Variants in DMBX1 observed in about 807,000 individuals in gnomAD.
DMBX1 encodes the protein diencephalon/mesencephalon homeobox 1.
A neutral mutation model predicts 30.4 loss-of-function variants in DMBX1; 7 were observed. The observed-to-expected ratio is 0.23, with a 90% confidence interval of 0.13 to 0.43. The LOEUF (loss-of-function observed/expected upper bound fraction) is 0.43, where lower values mean the gene tolerates loss of function less well. Among genes scored for constraint, DMBX1 ranks in the 20% least tolerant of loss-of-function variants. DMBX1 has a pLI of 1.00. For synonymous variants in DMBX1, 222 were observed against 214.2 expected (o/e 1.04, Z -0.32); for missense variants, 460 against 508.5 (o/e 0.90, Z 0.92).
intron 2 of DMBX1, among the ~76,000 whole-genome samples, chr1:46,506,247 G>A (rs1337368204): frequency 1.3e-5 from 2 of 152,090 alleles, no homozygotes; most frequent in Non-Finnish European, 2.9e-5. Flanking sequence ...TAGTAGAAAC[G>A]AGGTTTCACT....
In DMBX1 at chr1:46,510,608, G is replaced by T. The variant is rs1424205121; in HGVS notation, c.287G>T (p.Arg96Leu). 3.7e-6 allele frequency: 6 copies of T among 1,613,986 alleles called. No individual in the cohort carries two copies. The highest frequency in any genetic ancestry group is 5.1e-6 in the Non-Finnish European group (6 of 1,180,024). The change falls in exon 4 of 6, where the codon CGT becomes CTT. Residue 96 changes from arginine (R) to leucine (L), a missense_variant. Coordinates refer to ENST00000360032, the MANE Select transcript of DMBX1 (RefSeq NM_172225.2). The surrounding 1 kb of genome is among the most constrained non-coding windows in gnomAD (Gnocchi z 4.1). ...QKTHYPDVVM[R>L]ERLAMCTNLP... is the part of the protein sequence containing the mutation. ...ACTCACTACCCAGATGTGGTGATGC[G>T]TGAGAGGCTGGCCATGTGCACCAAC...
intron 2 of DMBX1, among the ~76,000 whole-genome samples, chr1:46,492,156 C>T (rs927102431): frequency 1.3e-5 from 2 of 152,322 alleles, no homozygotes; most frequent in African/African-American, 2.4e-5. Context: ...CCGCCCCAGG[C>T]GAAGGCCATG....
rs966351317 is a variant in DMBX1 at position 46,497,135 on chromosome 1, C to T, written c.-13+6352C>T. 3.9e-5 allele frequency among the ~76,000 whole-genome samples: 6 copies of T among 152,344 alleles called. No homozygotes were observed. In the South Asian group the frequency reaches 1.2e-3, roughly 32 times the overall value. On this transcript the variant is annotated intron_variant, in intron 2 of 5. Coordinates refer to ENST00000360032, the MANE Select transcript of DMBX1 (RefSeq NM_172225.2). The stretch of plus-strand genomic sequence containing the variant: ...TAAATACCAGATAGCTCTTCAGAGA[C>T]TCAGAGACCTGGATTCCCATCCTGC...
At chr1:46,495,287 C>T (rs1459950807) in intron 2 of DMBX1, among the ~76,000 whole-genome samples, 1 of 152,190 alleles carries the variant, frequency 6.6e-6, no homozygotes, top group African/African-American at 2.4e-5. Flanking sequence ...TGTCTGATGT[C>T]CCTTGCTCTG....
Position 46,493,212 on chromosome 1 carries a change from C to G in DMBX1, c.-13+2429C>G, listed in dbSNP as rs1297619232. On this transcript the variant is annotated intron_variant, in intron 2 of 5. Transcript: ENST00000360032. The surrounding 1 kb of genome is among the most constrained non-coding windows in gnomAD (Gnocchi z 4.1). ...GCGACGCCACTGCTGCCCGCCAAAG[C>G]CCATTACCGAACGAGTAGGGAGGGG... Among the ~76,000 whole-genome samples, 2 of 152,188 alleles carry G rather than the reference C, an allele frequency of 1.3e-5. No homozygotes were observed. Among genetic ancestry groups the G allele is most frequent in the Non-Finnish European group, 2.9e-5 (2 of 68,046 alleles).
rs891965394 is a variant in DMBX1 at position 46,493,785 on chromosome 1, C to G, written c.-13+3002C>G. Among the ~76,000 whole-genome samples, 3 of 152,264 alleles carry G rather than the reference C, an allele frequency of 2.0e-5. No individual in the cohort carries two copies. Among genetic ancestry groups the G allele is most frequent in the Admixed American group, 6.5e-5 (1 of 15,292 alleles). On this transcript the variant is annotated intron_variant, in intron 2 of 5. Coordinates refer to ENST00000360032, the MANE Select transcript of DMBX1 (RefSeq NM_172225.2). The surrounding 1 kb of genome is among the most constrained non-coding windows in gnomAD (Gnocchi z 4.1). Reference sequence around the variant, plus strand: ...GTTGTACATCTGTCAGTGTGCAGAGCAGGAGCCGCAACCGCGCTTTCTGCG... The same window carrying G: ...GTTGTACATCTGTCAGTGTGCAGAGGAGGAGCCGCAACCGCGCTTTCTGCG...
chr1:46,492,148 G>A (rs1004581629), intron 2 of DMBX1, among the ~76,000 whole-genome samples: 3 of 152,320 alleles, frequency 2.0e-5, no homozygotes, highest in African/African-American at 4.8e-5. Flanking sequence ...GTGGAAACCC[G>A]CCCCAGGCGA....
chr1:46,512,083 G>C lies in DMBX1; in HGVS notation c.723G>C (p.Gly241=). The C allele has an allele frequency of 6.2e-7, 1 of 1,613,280 alleles. No homozygotes were observed. The change falls in exon 6 of 6, where the codon GGG becomes GGC. Residue 241 remains glycine (G), a synonymous_variant. Coordinates refer to ENST00000360032, the MANE Select transcript of DMBX1 (RefSeq NM_172225.2). This position sits in a 1 kb window ranked among gnomAD's most constrained non-coding sequence, Gnocchi z 4.8. ...GSLTITPVAP[G]GGLLGPSHSY... is the part of the protein sequence containing the mutation. Reference sequence around the variant, plus strand: ...TGACCATCACTCCTGTGGCCCCAGGGGGTGGCCTCCTGGGCCCCTCCCACT... The same window carrying C: ...TGACCATCACTCCTGTGGCCCCAGGCGGTGGCCTCCTGGGCCCCTCCCACT...
intron 2 of DMBX1, among the ~76,000 whole-genome samples, chr1:46,494,735 G>A (rs1370450210): frequency 6.6e-6 from 1 of 152,202 alleles, no homozygotes; most frequent in Non-Finnish European, 1.5e-5. Flanking sequence ...CCCTTGCAAA[G>A]CCACATACTT....
chr1:46,492,373 C>A (rs1665945972), intron 2 of DMBX1, among the ~76,000 whole-genome samples: 1 of 152,220 alleles, frequency 6.6e-6, no homozygotes, highest in Non-Finnish European at 1.5e-5. Flanking sequence ...TGGGCACACA[C>A]CCACGCACAC....
At chr1:46,504,428 C>T (rs1172325346) in intron 2 of DMBX1, among the ~76,000 whole-genome samples, 1 of 150,316 alleles carries the variant, frequency 6.7e-6, no homozygotes, top group South Asian at 2.1e-4. Flanking sequence ...CAGCTTTCTA[C>T]GTATGGCTAG....
At chr1:46,492,658 A>C (rs1442100206) in intron 2 of DMBX1, among the ~76,000 whole-genome samples, 1 of 152,114 alleles carries the variant, frequency 6.6e-6, no homozygotes, top group Non-Finnish European at 1.5e-5. Flanking sequence ...AGCTGTCTAG[A>C]TTGACGGTCA....
chr1:46,498,845 A>C (rs1187758500), intron 2 of DMBX1, among the ~76,000 whole-genome samples: 2 of 152,128 alleles, frequency 1.3e-5, no homozygotes, highest in Admixed American at 6.5e-5. Context: ...ATCCACTGAC[A>C]AGGGTCCCTC....
rs376966402 is a variant in DMBX1, at chr1:46,511,976, G to A, written c.683-67G>A. On this transcript the variant is annotated intron_variant, in intron 5 of 5. Coordinates refer to ENST00000360032, the MANE Select transcript of DMBX1 (RefSeq NM_172225.2). ...AGTGCCAAGGAGGTGAGAAGGCTGA[G>A]TGCACCTCTCCTGGCAGACCAATGC... 93 of 1,485,566 alleles carry A rather than the reference G, an allele frequency of 6.3e-5. No homozygotes were observed. In the African/African-American group the frequency reaches 1.3e-3, roughly 20 times the overall value. 92.0% of individuals were successfully genotyped at this position (1,485,566 alleles called of 1,614,324 possible).
chr1:46,503,786 A>C (rs1666179895), intron 2 of DMBX1, among the ~76,000 whole-genome samples: 1 of 152,186 alleles, frequency 6.6e-6, no homozygotes, highest in African/African-American at 2.4e-5. Context: ...TGGACCTGCC[A>C]TTGCCCCAGC....
chr1:46,502,935 C>T (rs530216720), intron 2 of DMBX1, among the ~76,000 whole-genome samples: 1 of 152,328 alleles, frequency 6.6e-6, no homozygotes, highest in East Asian at 1.9e-4. Flanking sequence ...ATGTTACTTC[C>T]CTCAAGACCC....
At position 46,491,538 on chromosome 1, in the gene DMBX1, C is replaced by T. The variant is rs1665928959; in HGVS notation, c.-13+755C>T. On this transcript the variant is annotated intron_variant, in intron 2 of 5. Coordinates refer to ENST00000360032, the MANE Select transcript of DMBX1 (RefSeq NM_172225.2). The surrounding 1 kb of genome is among the most constrained non-coding windows in gnomAD (Gnocchi z 5.5). The stretch of plus-strand genomic sequence containing the variant: ...CTTGATGGACCTTGGAGGAAAGGGG[C>T]TGTCTGTACCGCAAGGGTTGTGTGC... 6.6e-6 allele frequency among the ~76,000 whole-genome samples: 1 copy of T among 152,144 alleles called. No individual in the cohort carries two copies. Among genetic ancestry groups the T allele is most frequent in the African/African-American group, 2.4e-5 (1 of 41,432 alleles).
intron 2 of DMBX1, among the ~76,000 whole-genome samples, chr1:46,501,870 C>G (rs1181516151): frequency 1.3e-5 from 2 of 152,056 alleles, no homozygotes; most frequent in Non-Finnish European, 2.9e-5. Flanking sequence ...TGGATATTCC[C>G]TTTTATTTGA....
chr1:46,495,857 A>G (rs35827425), intron 2 of DMBX1, among the ~76,000 whole-genome samples: 49,135 of 152,118 alleles, frequency 0.32, 10,265 homozygotes, highest in Non-Finnish European at 0.47. Flanking sequence ...AGGCAGCCAC[A>G]TAGTAGCTTT....
Sources: gnomAD v4.1 joint callset for allele counts (sites outside exome capture counted in the v4.1 genomes callset) on GRCh38, gnomAD v4.1.1 for gene constraint, Gnocchi (gnomAD v3.1) non-coding constraint, MANE v1.5 for transcripts, NCBI Gene and HGNC (gene_info 2026-07-23, HGNC 2026-07-21) for gene names.